ANKRD42: variants seen among roughly 807,000 people sequenced by gnomAD.
ANKRD42 encodes ankyrin repeat domain-containing protein 42.
ANKRD42 carries 43 observed loss-of-function variants against 51.5 expected under a neutral mutation model. The observed-to-expected ratio is 0.83, with a 90% CI of 0.65 to 1.08. The LOEUF (loss-of-function observed/expected upper bound fraction) is 1.08. Ranked by LOEUF, ANKRD42 falls within the 50% of genes least tolerant of loss-of-function variation. ANKRD42 has a pLI of 0.00. For missense variants in ANKRD42, 608 were observed against 629.3 expected (o/e 0.97, Z 0.36); for synonymous variants, 203 against 213.0 (o/e 0.95, Z 0.41).
At chr11:83,196,719 T>C (rs1201175358) in intron 1 of ANKRD42, among the ~76,000 whole-genome samples, 10 of 152,232 alleles carry the variant, frequency 6.6e-5, no homozygotes, top group African/African-American at 1.9e-4. Flanking sequence ...CATCTTTTTA[T>C]CCTTATGGTA....
chr11:83,198,552 A>G lies in ANKRD42; in HGVS notation c.132A>G (p.Glu44=). 8.1e-6 allele frequency: 13 copies of G among 1,614,006 alleles called. No homozygotes were observed. Among genetic ancestry groups the G allele is most frequent in the Non-Finnish European group, 1.1e-5 (13 of 1,179,890 alleles). ...VRAGDVKQLS[E]IVVRGASINE... is the part of the protein sequence containing the mutation. ...CTGGAGATGTAAAGCAGCTTTCAGA[A>G]ATAGTGGTACGTGGAGCCAGCATTA... The change falls in exon 2 of 11, where the codon GAA becomes GAG. Residue 44 remains glutamate, a synonymous_variant. Transcript: ENST00000533342.
chr11:83,220,782 G>A (rs544769443), intron 5 of ANKRD42, among the ~76,000 whole-genome samples: 12 of 151,992 alleles, frequency 7.9e-5, no homozygotes, highest in African/African-American at 2.4e-4. Context: ...TATGTTATTC[G>A]TTTCTTTATT....
At position 83,248,969 on chromosome 11, in the gene ANKRD42, A is replaced by G; in HGVS notation, c.*765A>G. ...CCAAGAAATATAATTAACTATAATA[A>G]TTAATCTATTCTCTTCATTTTGCAA... On this transcript the variant is annotated 3_prime_UTR_variant, in exon 11 of 11. Coordinates refer to ENST00000533342, the MANE Select transcript of ANKRD42 (RefSeq NM_001300975.2). 1.0e-6 allele frequency: 1 copy of G among 983,738 alleles called. No individual in the cohort carries two copies. The highest frequency in any genetic ancestry group is 1.2e-6 in the Non-Finnish European group (1 of 828,416). 60.9% of individuals were successfully genotyped at this position (983,738 alleles called of 1,614,324 possible).
rs1236302010 is a variant in ANKRD42, at chr11:83,194,565, A to C, written c.-106A>C. On this transcript the variant is annotated 5_prime_UTR_variant, in exon 1 of 11. Transcript: ENST00000533342. ...GGCCCCGTCCTAGTGACGACGGAGA[A>C]GAGGGCCGCTGCCGCTGCAGTGGCT... 2.7e-6 allele frequency: 3 copies of C among 1,127,074 alleles called. No homozygotes were observed. The highest frequency in any genetic ancestry group is 3.6e-5 in the Admixed American group (2 of 54,808). 69.8% of individuals were successfully genotyped at this position (1,127,074 alleles called of 1,614,324 possible).
At chr11:83,197,412 G>C (rs1861700637) in intron 1 of ANKRD42, among the ~76,000 whole-genome samples, 2 of 152,154 alleles carry the variant, frequency 1.3e-5, no homozygotes, top group Non-Finnish European at 2.9e-5. Context: ...TTTGCTAAGA[G>C]CAAAGATATA....
At chr11:83,204,109 A>AT (rs1295283188) in intron 2 of ANKRD42, among the ~76,000 whole-genome samples, 1 of 151,972 alleles carries the variant, frequency 6.6e-6, no homozygotes, top group Non-Finnish European at 1.5e-5. Context: ...CGCCTGTCTA[A>AT]TTTTTGTATT....
chr11:83,201,193 G>A (rs976715367), intron 2 of ANKRD42, among the ~76,000 whole-genome samples: 2 of 151,582 alleles, frequency 1.3e-5, no homozygotes, highest in Admixed American at 6.6e-5. Context: ...TGTTCCCCTC[G>A]CTGTGTCCAT....
downstream of ANKRD42, among the ~76,000 whole-genome samples, chr11:83,263,350 T>C (rs984424374): frequency 2.0e-5 from 3 of 152,190 alleles, no homozygotes; most frequent in African/African-American, 7.2e-5. Flanking sequence ...GCTGCTGTTA[T>C]TTCAGCTTTT....
At chr11:83,229,645 A>G (rs904511024) in intron 7 of ANKRD42, among the ~76,000 whole-genome samples, 2 of 152,178 alleles carry the variant, frequency 1.3e-5, no homozygotes, top group Admixed American at 6.5e-5. Context: ...TTCTACAACA[A>G]CAAGGTGTTT....
At chr11:83,211,796 AC>A (rs1188844911) in intron 5 of ANKRD42, among the ~76,000 whole-genome samples, 4 of 152,068 alleles carry the variant, frequency 2.6e-5, no homozygotes, top group Admixed American at 2.0e-4. Flanking sequence ...ACAAAGTGAG[AC>A]CCCGTCTCTT....
chr11:83,262,897 T>C (rs1014126368), downstream of ANKRD42, among the ~76,000 whole-genome samples: 2 of 152,194 alleles, frequency 1.3e-5, no homozygotes, highest in African/African-American at 4.8e-5. Context: ...ATTCTCCCAT[T>C]TGATCCTGCT....
chr11:83,236,648 C>A (rs756138656), intron 8 of ANKRD42, 139 bp downstream of exon 8: 17 of 597,790 alleles, frequency 2.8e-5, no homozygotes, highest in African/African-American at 1.9e-5. Flanking sequence ...AATTTTCAAG[C>A]TGAATTGACA....
rs139597941 is a variant in ANKRD42 at position 83,226,542 on chromosome 11, T to A, written c.788-1205T>A. 1.1e-3 allele frequency among the ~76,000 whole-genome samples: 166 copies of A among 152,150 alleles called. 2 individuals are homozygous for A. Among genetic ancestry groups the A allele is most frequent in the South Asian group, 8.3e-3 (40 of 4,810 alleles). ...AAAGAATATTTTTAAAATAACAAAG[T>A]TGGAAGGACTTACACGACTTGATTT... On this transcript the variant is annotated intron_variant, in intron 6 of 10. Transcript: ENST00000533342.
chr11:83,210,659 A>T (rs188404129), intron 4 of ANKRD42, among the ~76,000 whole-genome samples: 1 of 152,214 alleles, frequency 6.6e-6, no homozygotes, highest in South Asian at 2.1e-4. Context: ...TGGGTTCTTC[A>T]TGCCAGTTCA....
At chr11:83,222,356 G>A (rs1202167694) in intron 5 of ANKRD42, among the ~76,000 whole-genome samples, 1 of 152,194 alleles carries the variant, frequency 6.6e-6, no homozygotes, top group Non-Finnish European at 1.5e-5. Flanking sequence ...AGATATTACA[G>A]CAAATAAAAG....
intron 6 of ANKRD42, among the ~76,000 whole-genome samples, chr11:83,225,830 C>A (rs1031059395): frequency 2.7e-5 from 4 of 149,926 alleles, no homozygotes; most frequent in Admixed American, 1.3e-4. Flanking sequence ...AGTTGAAGCC[C>A]TTTGGAGCTC....
chr11:83,200,064 T>C (rs1053087236), intron 2 of ANKRD42, among the ~76,000 whole-genome samples: 1 of 152,094 alleles, frequency 6.6e-6, no homozygotes, highest in Non-Finnish European at 1.5e-5. Flanking sequence ...TTCATCTAGT[T>C]GGAGTTTTCT....
At chr11:83,219,907 A>G (rs1200500664) in intron 5 of ANKRD42, among the ~76,000 whole-genome samples, 1 of 152,244 alleles carries the variant, frequency 6.6e-6, no homozygotes, top group East Asian at 1.9e-4. Context: ...GGAGGGCACC[A>G]TGAACAGGGA....
intron 8 of ANKRD42, among the ~76,000 whole-genome samples, chr11:83,237,427 G>A (rs972148702): frequency 2.0e-5 from 3 of 152,180 alleles, no homozygotes; most frequent in Non-Finnish European, 2.9e-5. Flanking sequence ...ACTTGTAAGC[G>A]TAAGTGTAAA....
Sources: gnomAD v4.1 joint callset for allele counts (sites outside exome capture counted in the v4.1 genomes callset) on GRCh38, gnomAD v4.1.1 for gene constraint, MANE v1.5 for transcripts, NCBI Gene and HGNC (gene_info 2026-07-23, HGNC 2026-07-21) for gene names.